EPHA6: variants seen among roughly 807,000 people sequenced by gnomAD.
EPHA6 encodes ephrin type-A receptor 6.
In EPHA6, 50 loss-of-function variants were observed where a neutral mutation model predicts 112.0. The ratio of observed to expected loss-of-function variants is 0.45; its 90% CI spans 0.36 to 0.56. The LOEUF is 0.56. Among genes scored for constraint, EPHA6 ranks in the 20% least tolerant of loss-of-function variants. The probability of loss-of-function intolerance (pLI) is 0.00; values close to 1 mark genes in which losing one functional copy is unlikely to be tolerated. For missense variants in EPHA6, 1,280 were observed against 1,417.4 expected, an observed-to-expected ratio of 0.90 and a Z score of 1.56; for synonymous variants, 529 against 490.7, an observed-to-expected ratio of 1.08 and a Z score of -1.03.
intron 4 of EPHA6, among the ~76,000 whole-genome samples, chr3:97,242,571 A>G (rs1026499679): frequency 2.6e-5 from 4 of 151,874 alleles, no homozygotes; most frequent in Admixed American, 2.0e-4. Context: ...GTAAATAACA[A>G]GAGAGAAGGA....
At chr3:96,982,480 T>C (rs1003579848) in intron 2 of EPHA6, among the ~76,000 whole-genome samples, 1 of 152,168 alleles carries the variant, frequency 6.6e-6, no homozygotes, top group Non-Finnish European at 1.5e-5. Flanking sequence ...TCCAACTATG[T>C]GGTCAATTTT....
intron 13 of EPHA6, among the ~76,000 whole-genome samples, chr3:97,618,836 A>G (rs2093788403): frequency 6.6e-6 from 1 of 152,136 alleles, no homozygotes; most frequent in African/African-American, 2.4e-5. Flanking sequence ...CAGATGTACT[A>G]AGAAAAGCTG....
intron 5 of EPHA6, among the ~76,000 whole-genome samples, chr3:97,372,215 C>T (rs1439176134): frequency 2.0e-5 from 3 of 152,054 alleles, no homozygotes; most frequent in Admixed American, 2.0e-4. Flanking sequence ...GATGTCTCCC[C>T]CGGACACCCA....
rs565505165 is a variant in EPHA6, at chr3:97,749,525, T to A, written c.*824T>A. On this transcript the variant is annotated 3_prime_UTR_variant, in exon 18 of 18. Coordinates refer to ENST00000389672, the MANE Select transcript of EPHA6 (RefSeq NM_001080448.3). ...CCTGGAAAGACCAAGGGTGACTTCA[T>A]TGATCTAATGGCTTTCATAGAGAAA... 3.3e-5 allele frequency among the ~76,000 whole-genome samples: 5 copies of A among 152,290 alleles called. No homozygotes were observed. The highest frequency in any genetic ancestry group is 1.2e-4 in the African/African-American group (5 of 41,572).
chr3:96,959,404 C>G lies in EPHA6; in HGVS notation c.451-27926C>G, dbSNP rs75420247. Reference sequence around the variant, plus strand: ...GCAGAATACTTATATATTCTGGATACAAGTCCTTTATCAAATATATGAATA... The same window carrying G: ...GCAGAATACTTATATATTCTGGATAGAAGTCCTTTATCAAATATATGAATA... On this transcript the variant is annotated intron_variant, in intron 2 of 17. Transcript: ENST00000389672. Among the ~76,000 whole-genome samples, 338 of 152,130 alleles carry G rather than the reference C, an allele frequency of 2.2e-3. 7 individuals carry two copies. In the East Asian group the frequency reaches 0.038, roughly 17 times the overall value.
chr3:97,050,885 G>T (rs2087647600), intron 3 of EPHA6, among the ~76,000 whole-genome samples: 1 of 152,146 alleles, frequency 6.6e-6, no homozygotes, highest in Admixed American at 6.6e-5. Context: ...GAATAAAGTA[G>T]AGATAAAAAT....
chr3:97,329,836 T>C (rs541647792), intron 5 of EPHA6, among the ~76,000 whole-genome samples: 1 of 152,146 alleles, frequency 6.6e-6, no homozygotes, highest in South Asian at 2.1e-4. Flanking sequence ...ATCCCATTTG[T>C]CAATTTTGGC....
intron 3 of EPHA6, among the ~76,000 whole-genome samples, chr3:97,221,215 C>A (rs927696723): frequency 1.4e-5 from 2 of 138,754 alleles, no homozygotes; most frequent in African/African-American, 5.5e-5. Context: ...GAGGCTGAGA[C>A]AGGAGAATCG....
intron 5 of EPHA6, among the ~76,000 whole-genome samples, chr3:97,377,905 T>C (rs2085463600): frequency 6.6e-6 from 1 of 152,100 alleles, no homozygotes; most frequent in Admixed American, 6.5e-5. Flanking sequence ...GTTTGGAAAA[T>C]TTGCAGACTG....
intron 2 of EPHA6, among the ~76,000 whole-genome samples, chr3:96,946,449 T>C (rs1329849841): frequency 2.6e-5 from 4 of 152,112 alleles, no homozygotes; most frequent in Non-Finnish European, 5.9e-5. Context: ...CTTGTGATAG[T>C]TTGCTGAGAA....
intron 14 of EPHA6, among the ~76,000 whole-genome samples, chr3:97,650,084 A>C (rs571892147): frequency 6.6e-6 from 1 of 152,264 alleles, no homozygotes; most frequent in African/African-American, 2.4e-5. Context: ...TCTTGAGCCC[A>C]TTTGTCAGAA....
At chr3:97,180,406 C>A (rs2076955599) in intron 3 of EPHA6, among the ~76,000 whole-genome samples, 1 of 152,080 alleles carries the variant, frequency 6.6e-6, no homozygotes, top group African/African-American at 2.4e-5. Flanking sequence ...ACCTAAGGTA[C>A]AAGGCAAAGA....
intron 2 of EPHA6, among the ~76,000 whole-genome samples, chr3:96,931,864 A>G (rs990618530): frequency 3.3e-5 from 5 of 152,126 alleles, no homozygotes; most frequent in African/African-American, 1.2e-4. Flanking sequence ...CTCTTGCCTT[A>G]CCAGAGTTGC....
chr3:97,095,150 AT>A (rs1207087687), intron 3 of EPHA6, among the ~76,000 whole-genome samples: 1 of 152,082 alleles, frequency 6.6e-6, no homozygotes, highest in Non-Finnish European at 1.5e-5. Context: ...AAAAATTTTA[AT>A]GAAAGAAGCG....
At position 97,442,335 on chromosome 3, in the gene EPHA6, A is replaced by G. The variant is rs1018439088; in HGVS notation, c.1732-6233A>G. 2.6e-5 allele frequency among the ~76,000 whole-genome samples: 4 copies of G among 152,188 alleles called. No homozygotes were observed. In the East Asian group the frequency reaches 7.7e-4, roughly 29 times the overall value. On this transcript the variant is annotated intron_variant, in intron 6 of 17. Transcript: ENST00000389672. ...CATGGTGGTTCACAGCTGTAATCAC[A>G]GCACTTTTGGGAGGCCAAGGCGAGT...
At chr3:97,283,383 CAATTTTATCTTAAA>C (rs2080354078) in intron 5 of EPHA6, among the ~76,000 whole-genome samples, 1 of 151,786 alleles carries the variant, frequency 6.6e-6, no homozygotes. Flanking sequence ...GTAACTATGC[CAATTTTATCTTAAA>C]AAGTTCTTTT....
At chr3:97,200,474 G>A (rs1436045969) in intron 3 of EPHA6, among the ~76,000 whole-genome samples, 2 of 152,064 alleles carry the variant, frequency 1.3e-5, no homozygotes, top group African/African-American at 4.8e-5. Flanking sequence ...TTTACTGCAT[G>A]CTTGATACAT....
chr3:97,269,525 T>C (rs1464700841), intron 5 of EPHA6, among the ~76,000 whole-genome samples: 1 of 152,206 alleles, frequency 6.6e-6, no homozygotes, highest in Non-Finnish European at 1.5e-5. Context: ...GTGTTTCTGA[T>C]GCTGCTACCC....
chr3:97,104,509 T>C (rs1341264485), intron 3 of EPHA6, among the ~76,000 whole-genome samples: 1 of 152,170 alleles, frequency 6.6e-6, no homozygotes, highest in Non-Finnish European at 1.5e-5. Context: ...TTGATCGTGG[T>C]GGATAAGCTT....
Sources: gnomAD v4.1 joint callset for allele counts (sites outside exome capture counted in the v4.1 genomes callset) on GRCh38, gnomAD v4.1.1 for gene constraint, MANE v1.5 for transcripts, NCBI Gene and HGNC (gene_info 2026-07-23, HGNC 2026-07-21) for gene names.